GAREM1: variants seen among roughly 807,000 people sequenced by gnomAD.
The protein encoded by GAREM1 is GRB2-associated and regulator of MAPK protein 1.
In GAREM1, 26 loss-of-function variants were observed where a neutral mutation model predicts 71.3. The observed-to-expected ratio is 0.36, with a 90% CI of 0.27 to 0.51. GAREM1 has a LOEUF of 0.51. GAREM1 is among the 20% of genes least tolerant of loss of function. The pLI is 0.95. For missense variants in GAREM1, 1,026 were observed against 1,103.1 expected (o/e 0.93, Z 0.99); for synonymous variants, 440 against 433.2 (o/e 1.02, Z -0.20).
intron 1 of GAREM1, among the ~76,000 whole-genome samples, chr18:32,449,753 A>G (rs1231670820): frequency 6.6e-6 from 1 of 152,232 alleles, no homozygotes; most frequent in Non-Finnish European, 1.5e-5. Context: ...ATTTCTTATC[A>G]TTACGACTAT....
At chr18:32,323,332 A>C (rs2047447476) in intron 2 of GAREM1, among the ~76,000 whole-genome samples, 1 of 152,236 alleles carries the variant, frequency 6.6e-6, no homozygotes, top group Non-Finnish European at 1.5e-5. Context: ...TCTAGGGTCC[A>C]GGAACTCTTC....
chr18:32,303,995 G>A (rs1157408962), intron 3 of GAREM1, among the ~76,000 whole-genome samples: 2 of 151,338 alleles, frequency 1.3e-5, no homozygotes, highest in African/African-American at 4.9e-5. Context: ...AGGGAGGGGA[G>A]GGGAGGGAGA....
At chr18:32,306,902 G>A (rs2047261697) in intron 3 of GAREM1, among the ~76,000 whole-genome samples, 1 of 152,030 alleles carries the variant, frequency 6.6e-6, no homozygotes, top group Non-Finnish European at 1.5e-5. Context: ...TAATGCATAT[G>A]AATTCATTTC....
chr18:32,362,038 A>C (rs1363190895), intron 2 of GAREM1, among the ~76,000 whole-genome samples: 4 of 152,212 alleles, frequency 2.6e-5, no homozygotes, highest in African/African-American at 9.6e-5. Context: ...AGCAACTAAA[A>C]ACTATCATGC....
At chr18:32,466,173 C>G (rs1000938809) in intron 1 of GAREM1, among the ~76,000 whole-genome samples, 1 of 149,196 alleles carries the variant, frequency 6.7e-6, no homozygotes, top group Non-Finnish European at 1.5e-5. Context: ...AATCTATATA[C>G]TTTTTTTTTT....
intron 2 of GAREM1, among the ~76,000 whole-genome samples, chr18:32,341,153 GGT>G (rs1167002506): frequency 6.6e-6 from 1 of 151,964 alleles, no homozygotes; most frequent in Admixed American, 6.5e-5. Flanking sequence ...GACAGGCCCC[GGT>G]GTGTGATGTT....
At position 32,333,795 on chromosome 18, in the gene GAREM1, C is replaced by G. The variant is rs76934901; in HGVS notation, c.263-23472G>C. On this transcript the variant is annotated intron_variant, in intron 2 of 5. Transcript: ENST00000269209. ...GATTGCATTTGGTATTTTTTTTCCT[C>G]CTCAGTTTTGGAAATAACCTCTAGG... is the stretch of plus-strand genomic sequence containing the variant. Among the ~76,000 whole-genome samples the G allele has an allele frequency of 3.2e-3, 487 of 152,206 alleles. 3 individuals are homozygous for G. The highest frequency in any genetic ancestry group is 0.011 in the African/African-American group (473 of 41,526).
chr18:32,363,903 T>C (rs867252558), intron 2 of GAREM1, among the ~76,000 whole-genome samples: 1,510 of 142,856 alleles, frequency 0.011, 29 homozygotes, highest in African/African-American at 0.035. Flanking sequence ...GTCAAGGTTA[T>C]ACACACACAC....
rs987760178 is a variant in GAREM1, at chr18:32,372,466, A to T, written c.262+20429T>A. Among the ~76,000 whole-genome samples, 9 of 152,282 alleles carry T rather than the reference A, an allele frequency of 5.9e-5. No homozygotes were observed. In the East Asian group the frequency reaches 1.7e-3, roughly 29 times the overall value. Reference sequence around the variant, plus strand: ...TAGATGTTAAAAATTACCCACTTGAAATGTTTCCAGGGGTTTAAACACAAT... The same window carrying T: ...TAGATGTTAAAAATTACCCACTTGATATGTTTCCAGGGGTTTAAACACAAT... On this transcript the variant is annotated intron_variant, in intron 2 of 5. Coordinates refer to ENST00000269209, the MANE Select transcript of GAREM1 (RefSeq NM_001242409.2).
intron 1 of GAREM1, among the ~76,000 whole-genome samples, chr18:32,426,812 C>T (rs1302303886): frequency 2.6e-5 from 4 of 152,146 alleles, no homozygotes; most frequent in African/African-American, 7.2e-5. Context: ...AACAATTTTC[C>T]TCCAGGTGGC....
intron 1 of GAREM1, among the ~76,000 whole-genome samples, chr18:32,448,742 A>T (rs936534667): frequency 2.0e-5 from 3 of 152,214 alleles, no homozygotes; most frequent in Non-Finnish European, 4.4e-5. Context: ...GGAAAAATGC[A>T]AACAGTTCTT....
intron 1 of GAREM1, among the ~76,000 whole-genome samples, chr18:32,408,893 G>C (rs1052813357): frequency 3.3e-5 from 5 of 152,128 alleles, no homozygotes; most frequent in African/African-American, 1.2e-4. Flanking sequence ...CTATGTATCT[G>C]CTGTCATATA....
At chr18:32,443,359 ATAG>A (rs1190538837) in intron 1 of GAREM1, among the ~76,000 whole-genome samples, 1 of 152,172 alleles carries the variant, frequency 6.6e-6, no homozygotes, top group Non-Finnish European at 1.5e-5. Context: ...GATAACCCAT[ATAG>A]TAGAAGAAAG....
At chr18:32,390,544 T>C (rs778236287) in intron 2 of GAREM1, among the ~76,000 whole-genome samples, 4 of 152,354 alleles carry the variant, frequency 2.6e-5, no homozygotes, top group Middle Eastern at 3.4e-3. Context: ...TTAGTGCCCA[T>C]GTTTCCTCTT....
intron 3 of GAREM1, among the ~76,000 whole-genome samples, chr18:32,306,800 T>C (rs1405749426): frequency 6.6e-6 from 1 of 152,222 alleles, no homozygotes; most frequent in Non-Finnish European, 1.5e-5. Flanking sequence ...GTGAGGGACT[T>C]GCATATTTAC....
intron 2 of GAREM1, among the ~76,000 whole-genome samples, chr18:32,361,091 A>G (rs2047860885): frequency 6.6e-6 from 1 of 152,222 alleles, no homozygotes; most frequent in South Asian, 2.1e-4. Context: ...AAAACGAAGC[A>G]CAGTTTTGTC....
At chr18:32,344,515 C>T (rs1386670840) in intron 2 of GAREM1, among the ~76,000 whole-genome samples, 2 of 152,046 alleles carry the variant, frequency 1.3e-5, no homozygotes, top group Admixed American at 6.5e-5. Flanking sequence ...TATGCCTAAT[C>T]ACGCTAAATG....
intron 2 of GAREM1, among the ~76,000 whole-genome samples, chr18:32,363,995 C>CATATATACATATATATAT (rs1398129084): frequency 9.4e-5 from 2 of 21,338 alleles, no homozygotes; most frequent in Admixed American, 1.2e-3. Context: ...TACATATATA[C>CATATATACATATATATAT]ATATATATAT....
intron 3 of GAREM1, among the ~76,000 whole-genome samples, chr18:32,299,019 A>G (rs560502354): frequency 2.6e-5 from 4 of 152,316 alleles, no homozygotes; most frequent in Admixed American, 2.6e-4. Context: ...GTGATGCTAT[A>G]GCAGAGGGCT....
Sources: allele counts gnomAD v4.1 joint callset (sites outside exome capture counted in the v4.1 genomes callset), GRCh38; gene constraint gnomAD v4.1.1; transcripts MANE v1.5; gene names NCBI Gene and HGNC (gene_info 2026-07-23, HGNC 2026-07-21).